PPP1CB: variants seen among roughly 807,000 people sequenced by gnomAD.
The protein encoded by PPP1CB is serine/threonine-protein phosphatase PP1-beta catalytic subunit.
PPP1CB carries 2 observed loss-of-function variants against 43.7 expected under a neutral mutation model. That is an observed-to-expected ratio of 0.05 (90% CI 0.02 to 0.14). The LOEUF (loss-of-function observed/expected upper bound fraction) is 0.14. PPP1CB is among the 10% of genes least tolerant of loss of function. The pLI, the probability that PPP1CB is intolerant of heterozygous loss-of-function variation, is 1.00. For synonymous variants in PPP1CB, 136 were observed against 135.6 expected (o/e 1.00, Z -0.02); for missense variants, 84 against 398.0 (o/e 0.21, Z 6.71).
chr2:28,790,970 A>G (rs1365026737), intron 6 of PPP1CB, among the ~76,000 whole-genome samples: 1 of 152,192 alleles, frequency 6.6e-6, no homozygotes, highest in East Asian at 1.9e-4. Flanking sequence ...CACTAACTAG[A>G]TTGTGTACTC....
At chr2:28,753,541 C>G in intron 1 of PPP1CB, among the ~76,000 whole-genome samples, 1 of 152,056 alleles carries the variant, frequency 6.6e-6, no homozygotes, top group Admixed American at 6.5e-5. Flanking sequence ...CCTGGGAGGC[C>G]CCCTGGTGCC....
chr2:28,770,917 A>G (rs1408311443), intron 1 of PPP1CB, among the ~76,000 whole-genome samples: 1 of 152,204 alleles, frequency 6.6e-6, no homozygotes, highest in Non-Finnish European at 1.5e-5. Flanking sequence ...AAAGACTGCC[A>G]TACTAGAGTA....
At chr2:28,765,112 CG>C (rs1208830944) in intron 1 of PPP1CB, among the ~76,000 whole-genome samples, 1 of 151,892 alleles carries the variant, frequency 6.6e-6, no homozygotes, top group Non-Finnish European at 1.5e-5. Flanking sequence ...TGGATATGTG[CG>C]TTGGAAAGAC....
chr2:28,801,183 A>T lies in PPP1CB; in HGVS notation c.*1880A>T, dbSNP rs1667607435. ...TGCATATGATGTATTAGGTTAGGTC[A>T]CAAAGGTTTTATCTGAGGTGATTTA... On this transcript the variant is annotated 3_prime_UTR_variant, in exon 8 of 8. Coordinates refer to ENST00000395366, the MANE Select transcript of PPP1CB (RefSeq NM_002709.3). The T allele has an allele frequency of 1.3e-5, 2 of 152,132 alleles. No homozygotes were observed. Among genetic ancestry groups the T allele is most frequent in the African/African-American group, 4.8e-5 (2 of 41,440 alleles). 9.4% of individuals were successfully genotyped at this position (152,132 alleles called of 1,614,324 possible).
chr2:28,762,625 A>G (rs1329029085), intron 1 of PPP1CB, among the ~76,000 whole-genome samples: 1 of 152,240 alleles, frequency 6.6e-6, no homozygotes, highest in Non-Finnish European at 1.5e-5. Flanking sequence ...GGTGAATTTT[A>G]AAAGAGATGT....
chr2:28,782,180 G>A (rs1488849580), intron 4 of PPP1CB, among the ~76,000 whole-genome samples: 1 of 152,018 alleles, frequency 6.6e-6, no homozygotes, highest in Admixed American at 6.6e-5. Flanking sequence ...TCTTTCATCA[G>A]AATCCAAATA....
rs749758816 is a variant in PPP1CB at position 28,801,045 on chromosome 2, CCTGA to C, written c.*1747_*1750del. Reference sequence around the variant, plus strand: ...TAAAAGTTGTCTAATTGATATGAAGCCTGACTGATTTTTTTTTTCCTTACAGTGA... The same window carrying C: ...TAAAAGTTGTCTAATTGATATGAAGCCTGATTTTTTTTTTCCTTACAGTGA... On this transcript the variant is annotated 3_prime_UTR_variant, in exon 8 of 8. Transcript: ENST00000395366. The C allele has an allele frequency of 6.6e-6, 1 of 152,424 alleles. No individual in the cohort carries two copies. Among genetic ancestry groups the C allele is most frequent in the Admixed American group, 6.5e-5 (1 of 15,270 alleles). The allele number at this position is 152,424 out of a possible 1,614,324, so 9.4% of individuals were successfully genotyped here.
chr2:28,774,118 A>T (rs2148047001), intron 1 of PPP1CB, among the ~76,000 whole-genome samples: 1 of 152,374 alleles, frequency 6.6e-6, no homozygotes, highest in East Asian at 1.9e-4. Context: ...AAAATGTTAC[A>T]CAATTACTTG....
chr2:28,769,647 C>T (rs948122508), intron 1 of PPP1CB, among the ~76,000 whole-genome samples: 2 of 152,062 alleles, frequency 1.3e-5, no homozygotes, highest in African/African-American at 4.8e-5. Context: ...TGAGTAAATA[C>T]AAATTCTGAC....
intron 7 of PPP1CB, among the ~76,000 whole-genome samples, chr2:28,796,957 A>G (rs990981179): frequency 6.6e-6 from 1 of 152,040 alleles, no homozygotes; most frequent in African/African-American, 2.4e-5. Context: ...CTAATTTTTC[A>G]GTGCCTAATT....
At chr2:28,769,907 C>T (rs1322540402) in intron 1 of PPP1CB, among the ~76,000 whole-genome samples, 1 of 152,094 alleles carries the variant, frequency 6.6e-6, no homozygotes, top group Non-Finnish European at 1.5e-5. Context: ...ACAGATGGGA[C>T]AAACAGAACA....
chr2:28,765,987 G>C (rs1180000125), intron 1 of PPP1CB, among the ~76,000 whole-genome samples: 1 of 152,148 alleles, frequency 6.6e-6, no homozygotes, highest in African/African-American at 2.4e-5. Flanking sequence ...CACAATGGAA[G>C]TTTCTCATAT....
chr2:28,779,127 T>C lies in PPP1CB; in HGVS notation c.415+88T>C, dbSNP rs539647833. 17 of 1,018,912 alleles carry C rather than the reference T, an allele frequency of 1.7e-5. No homozygotes were observed. The Admixed American group carries it at 3.7e-4, about 22-fold the overall frequency. The allele number at this position is 1,018,912 out of a possible 1,614,324, so 63.1% of individuals were successfully genotyped here. ...TCAGAAGAGTTGCTTTGATTCAGAG[T>C]TTTTTCAAAATAAGATCTGTCAGGC... On this transcript the variant is annotated intron_variant, in intron 3 of 7. Transcript: ENST00000395366.
chr2:28,754,104 A>G (rs1666420468), intron 1 of PPP1CB, among the ~76,000 whole-genome samples: 1 of 152,060 alleles, frequency 6.6e-6, no homozygotes, highest in African/African-American at 2.4e-5. Context: ...ATCTCAATTT[A>G]TTTATATTTT....
intron 1 of PPP1CB, among the ~76,000 whole-genome samples, chr2:28,755,028 C>T (rs556671061): frequency 1.4e-4 from 22 of 151,886 alleles, no homozygotes; most frequent in Admixed American, 1.4e-3. Context: ...TTTAGGTGGG[C>T]GTATTATTGA....
chr2:28,781,607 A>G, intron 3 of PPP1CB, 131 bp from the exon 4 acceptor site: 2 of 666,750 alleles, frequency 3.0e-6, no homozygotes. Context: ...TGCATTGTAG[A>G]AAAAGTTCTT....
chr2:28,769,764 T>C (rs1666862246), intron 1 of PPP1CB, among the ~76,000 whole-genome samples: 1 of 152,148 alleles, frequency 6.6e-6, no homozygotes, highest in South Asian at 2.1e-4. Context: ...GTCAAAAGTG[T>C]ATTTGTAATC....
intron 7 of PPP1CB, among the ~76,000 whole-genome samples, chr2:28,795,366 GGTT>G (rs1402281987): frequency 6.6e-6 from 1 of 150,720 alleles, no homozygotes; most frequent in Admixed American, 6.6e-5. Context: ...GTCGAATGGT[GGTT>G]GTTTTAAGTT....
intron 7 of PPP1CB, 64 bp from the exon 8 acceptor site, chr2:28,799,135 G>GT: frequency 8.8e-7 from 1 of 1,140,154 alleles, no homozygotes; most frequent in Non-Finnish European, 1.3e-6. Context: ...AATCACAATT[G>GT]TAACAATTTT....
Sources: allele counts gnomAD v4.1 joint callset (sites outside exome capture counted in the v4.1 genomes callset), GRCh38; gene constraint gnomAD v4.1.1; transcripts MANE v1.5; gene names NCBI Gene and HGNC (gene_info 2026-07-23, HGNC 2026-07-21).